USH2A: variants seen among roughly 807,000 people sequenced by gnomAD.
The protein encoded by USH2A is Usher syndrome 2A (autosomal recessive, mild).
In USH2A, 443 loss-of-function variants were observed where a neutral mutation model predicts 538.9. The ratio of observed to expected loss-of-function variants is 0.82; its 90% CI spans 0.76 to 0.89. The LOEUF (loss-of-function observed/expected upper bound fraction) is 0.89. Among genes scored for constraint, USH2A ranks in the 40% least tolerant of loss-of-function variants. USH2A has a pLI of 0.00. For missense variants in USH2A, 6,633 were observed against 6,324.8 expected (o/e 1.05, Z -1.65); for synonymous variants, 2,413 against 2,273.5 (o/e 1.06, Z -1.75).
intron 37 of USH2A, 98 bp downstream of exon 37, chr1:215,965,219 T>G: frequency 7.4e-7 from 1 of 1,345,964 alleles, no homozygotes. Flanking sequence ...AACCAACATC[T>G]GTGGCTAAAA....
intron 65 of USH2A, among the ~76,000 whole-genome samples, chr1:215,650,192 T>C (rs2102644392): frequency 6.6e-6 from 1 of 152,354 alleles, no homozygotes; most frequent in East Asian, 1.9e-4. Flanking sequence ...TATTCTTTGC[T>C]CTATTTTGTT....
At chr1:216,034,582 G>C (rs1336991554) in intron 32 of USH2A, among the ~76,000 whole-genome samples, 1 of 152,142 alleles carries the variant, frequency 6.6e-6, no homozygotes, top group African/African-American at 2.4e-5. Context: ...GTTATCCTTA[G>C]AGGAGGAGAG....
At chr1:215,837,848 A>G (rs1558121147) in intron 47 of USH2A, 143 bp downstream of exon 47, 1 of 727,546 alleles carries the variant, frequency 1.4e-6, no homozygotes, top group Admixed American at 2.1e-5. Context: ...ATATCTGTGA[A>G]ATAATATCAA....
chr1:216,119,066 A>C (rs2033072081), intron 21 of USH2A, among the ~76,000 whole-genome samples: 1 of 152,254 alleles, frequency 6.6e-6, no homozygotes, highest in Non-Finnish European at 1.5e-5. Flanking sequence ...GAAATTAAAA[A>C]TCACTAAGCT....
intron 21 of USH2A, among the ~76,000 whole-genome samples, chr1:216,164,592 T>C (rs540602950): frequency 2.7e-4 from 41 of 152,170 alleles, no homozygotes; most frequent in Middle Eastern, 6.8e-3. Context: ...GCTGTTTAAA[T>C]AGATGTGGAG....
At chr1:215,835,016 A>T (rs1663435950) in intron 47 of USH2A, among the ~76,000 whole-genome samples, 1 of 150,898 alleles carries the variant, frequency 6.6e-6, no homozygotes, top group Admixed American at 6.6e-5. Context: ...TATTTTTTTA[A>T]GTATGCTGGT....
At chr1:216,065,878 C>T (rs1339692502) in intron 30 of USH2A, among the ~76,000 whole-genome samples, 1 of 151,938 alleles carries the variant, frequency 6.6e-6, no homozygotes, top group Non-Finnish European at 1.5e-5. Flanking sequence ...ACCTGGGTGA[C>T]AGAGTGAGAC....
intron 37 of USH2A, among the ~76,000 whole-genome samples, chr1:215,951,546 G>A (rs1298313940): frequency 6.6e-6 from 1 of 152,200 alleles, no homozygotes; most frequent in Non-Finnish European, 1.5e-5. Context: ...TTGGAGTGGA[G>A]AGTTCTGTAG....
intron 3 of USH2A, among the ~76,000 whole-genome samples, chr1:216,412,858 A>G (rs1169137595): frequency 6.6e-6 from 1 of 151,954 alleles, no homozygotes; most frequent in Non-Finnish European, 1.5e-5. Context: ...CCTAAGGCTA[A>G]TTTTTTAAAA....
intron 70 of USH2A, among the ~76,000 whole-genome samples, chr1:215,629,776 T>TC (rs1201548024): frequency 4.8e-5 from 7 of 145,956 alleles, no homozygotes; most frequent in Non-Finnish European, 1.1e-4. Context: ...TTCTTTTCTT[T>TC]TTTTTTTTTT....
rs1571840720 is a variant in USH2A at position 215,951,832 on chromosome 1, C to T, written c.7120+13485G>A. 2.6e-5 allele frequency among the ~76,000 whole-genome samples: 4 copies of T among 152,056 alleles called. No individual in the cohort carries two copies. The South Asian group carries it at 8.3e-4, about 32-fold the overall frequency. ...AATGGCCTTCTTTGTCTCTTTTGAT[C>T]TTTGTTGGTTTATTTTTTTTATTTT... On this transcript the variant is annotated intron_variant, in intron 37 of 71. Transcript: ENST00000307340.
In USH2A at chr1:216,217,418, C is replaced by A. The variant is rs2102496282; in HGVS notation, c.3126G>T (p.Leu1042Phe). The A allele has an allele frequency of 6.2e-7, 1 of 1,613,150 alleles. No individual in the cohort carries two copies. Among genetic ancestry groups the A allele is most frequent in the South Asian group, 1.1e-5 (1 of 91,068 alleles). ...TGCAACCCAATAGATTGTTGACATC[C>A]AAGTGGCTTGCACTGGGAACACAAG... Reference protein sequence around the residue: ...CDACVPSASHLDVNNLLGCSK... With the variant: ...CDACVPSASHFDVNNLLGCSK... The change falls in exon 15 of 72, where the codon TTG (leucine) becomes TTT (phenylalanine). Residue 1042 changes from leucine (L) to phenylalanine (F), a missense_variant. By Grantham distance (22) the Leu-to-Phe change is conservative. Coordinates refer to ENST00000307340, the MANE Select transcript of USH2A (RefSeq NM_206933.4).
At chr1:215,966,082 G>A (rs577430185) in intron 36 of USH2A, among the ~76,000 whole-genome samples, 4 of 152,152 alleles carry the variant, frequency 2.6e-5, no homozygotes, top group African/African-American at 9.6e-5. Context: ...ATGCATCCTA[G>A]GGACTCTATC....
In USH2A at chr1:215,782,046, C is replaced by T; in HGVS notation, c.10736G>A (p.Ser3579Asn). ...ACTVAGCATS[S>N]KVVAATTQGV... ...GTTTAGGCAAACTCCTCTTACCTTG[C>T]TACTGGTGGCACAGCCAGCAACCGT... Residue 3579 changes from serine (S) to asparagine (N), a missense_variant, in exon 54 of 72, where the codon AGC becomes AAC. Coordinates refer to ENST00000307340, the MANE Select transcript of USH2A (RefSeq NM_206933.4). 1 of 1,613,958 alleles carries T rather than the reference C, an allele frequency of 6.2e-7. No homozygotes were observed. The highest frequency in any genetic ancestry group is 8.5e-7 in the Non-Finnish European group (1 of 1,179,838).
intron 21 of USH2A, among the ~76,000 whole-genome samples, chr1:216,145,100 C>T (rs1023752239): frequency 5.9e-5 from 9 of 152,166 alleles, no homozygotes; most frequent in Non-Finnish European, 8.8e-5. Flanking sequence ...CCTTCCCTTC[C>T]CTCACCCTAC....
At chr1:216,157,293 A>T (rs146017750) in intron 21 of USH2A, among the ~76,000 whole-genome samples, 4,793 of 152,294 alleles carry the variant, frequency 0.031, 241 homozygotes, top group African/African-American at 0.11. Flanking sequence ...CACACTAGTC[A>T]GAATGTTTAT....
intron 37 of USH2A, among the ~76,000 whole-genome samples, chr1:215,939,690 A>G (rs1028151352): frequency 1.3e-5 from 2 of 152,150 alleles, no homozygotes; most frequent in African/African-American, 4.8e-5. Flanking sequence ...CTAGATTGGA[A>G]TAACATAAAT....
chr1:216,393,871 C>T (rs1335246059), intron 3 of USH2A, among the ~76,000 whole-genome samples: 1 of 152,104 alleles, frequency 6.6e-6, no homozygotes, highest in Non-Finnish European at 1.5e-5. Context: ...AGCTACAAAT[C>T]AGGAAAATAT....
chr1:215,925,495 G>A (rs981761438), intron 38 of USH2A, among the ~76,000 whole-genome samples: 1 of 152,126 alleles, frequency 6.6e-6, no homozygotes, highest in Admixed American at 6.6e-5. Context: ...TATAAATTGT[G>A]TAGCTTTTAA....
Sources: gnomAD v4.1 joint callset for allele counts (sites outside exome capture counted in the v4.1 genomes callset) on GRCh38, gnomAD v4.1.1 for gene constraint, MANE v1.5 for transcripts, NCBI Gene and HGNC (gene_info 2026-07-23, HGNC 2026-07-21) for gene names.